Variants in MYOM3 observed in about 807,000 individuals in gnomAD.
MYOM3 encodes myomesin-3.
A neutral mutation model predicts 191.7 loss-of-function variants in MYOM3; 155 were observed. The observed-to-expected ratio is 0.81, with a 90% CI of 0.71 to 0.92. MYOM3 has a LOEUF of 0.92. Ranked by LOEUF, MYOM3 falls within the 40% of genes least tolerant of loss-of-function variation. MYOM3 has a pLI of 0.00. For missense variants in MYOM3, 1,889 were observed against 1,890.6 expected, an observed-to-expected ratio of 1.00 and a Z score of 0.02; for synonymous variants, 757 against 762.9, an observed-to-expected ratio of 0.99 and a Z score of 0.13.
Position 24,074,246 on chromosome 1 carries a change from G to T in MYOM3, c.2882C>A (p.Pro961His), listed in dbSNP as rs1481234250. ...GTAGGTGCCCAAATCCTCGAGGCCG[G>T]GTTCTTTCAGGATGACCTTGGACCT... is the stretch of plus-strand genomic sequence containing the variant. ...VNKSKVILKE[P>H]GLEDLGTYSV... The change falls in exon 23 of 37, where the codon CCC becomes CAC. Residue 961 changes from proline to histidine, a missense_variant. Transcript: ENST00000374434. 2 of 1,613,954 alleles carry T rather than the reference G, an allele frequency of 1.2e-6. No individual in the cohort carries two copies. Among genetic ancestry groups the T allele is most frequent in the Non-Finnish European group, 1.7e-6 (2 of 1,179,958 alleles).
At chr1:24,066,960 T>C (rs536404236) in intron 28 of MYOM3, 61 bp downstream of exon 28, 2 of 1,477,094 alleles carry the variant, frequency 1.4e-6, no homozygotes, top group South Asian at 2.5e-5. Flanking sequence ...GCAACTGGGC[T>C]TGGGGACAAG....
At chr1:24,080,425 C>T (rs1257543627) in intron 19 of MYOM3, among the ~76,000 whole-genome samples, 1 of 152,166 alleles carries the variant, frequency 6.6e-6, no homozygotes, top group Non-Finnish European at 1.5e-5. Flanking sequence ...GCTCAGCCTC[C>T]CCTCCTCCCG....
In MYOM3 at chr1:24,063,637, CAG is replaced by C; in HGVS notation, c.3623-109_3623-108del. ...GCTGGTGGAGCCCGTGAGCTGCTCT[CAG>C]GGGGACAGGCAACTCTGTAGGATGA... On this transcript the variant is annotated intron_variant, in intron 30 of 36. Coordinates refer to ENST00000374434, the MANE Select transcript of MYOM3 (RefSeq NM_152372.4). This position sits in a 1 kb window ranked among gnomAD's most constrained non-coding sequence, Gnocchi z 4.5. 7.9e-7 allele frequency: 1 copy of C among 1,271,036 alleles called. No homozygotes were observed. The highest frequency in any genetic ancestry group is 1.3e-5 in the South Asian group (1 of 79,668). 78.7% of individuals were successfully genotyped at this position (1,271,036 alleles called of 1,614,324 possible). A position where few individuals can be genotyped will look rare whatever the true frequency, so the allele number is the denominator to read the frequency against.
chr1:24,075,336 G>A lies in MYOM3; in HGVS notation c.2841C>T (p.Ile947=), dbSNP rs757040650. Residue 947 remains isoleucine (I), a synonymous_variant, in exon 22 of 37, where the codon ATC becomes ATT. Coordinates refer to ENST00000374434, the MANE Select transcript of MYOM3 (RefSeq NM_152372.4). ...KGPLDPQRVK[I]EDKVNKSKVI... is the part of the protein sequence containing the mutation. ...TCACTTACTTGTTAACTTTATCCTC[G>A]ATCTTGACCCTCTGGGGGTCCAGTG... 1.2e-6 allele frequency: 2 copies of A among 1,612,378 alleles called. No homozygotes were observed. The highest frequency in any genetic ancestry group is 1.1e-5 in the South Asian group (1 of 90,970).
At chr1:24,085,313 G>GATGC (rs1643725932) in intron 15 of MYOM3, among the ~76,000 whole-genome samples, 1 of 152,104 alleles carries the variant, frequency 6.6e-6, no homozygotes, top group South Asian at 2.1e-4. Flanking sequence ...TGGATGGATG[G>GATGC]ATGGATGGAC....
At chr1:24,106,736 T>A (rs532542631) in intron 4 of MYOM3, among the ~76,000 whole-genome samples, 1 of 151,956 alleles carries the variant, frequency 6.6e-6, no homozygotes, top group Admixed American at 6.6e-5. Context: ...GCCCAGGTAA[T>A]TTTTGTATTT....
rs370252092 is a variant in MYOM3, at chr1:24,076,225, T to C, written c.2635A>G (p.Met879Val). The change falls in exon 21 of 37, where the codon ATG becomes GTG. Residue 879 changes from methionine (M) to valine (V), a missense_variant. By Grantham distance (21) the Met-to-Val change is conservative. Transcript: ENST00000374434. Reference sequence around the variant, plus strand: ...GGTTGCCCCAGACCAGCTGAATTCATGGCCTGTACCTGGAACACGTAACTC... The same window carrying C: ...GGTTGCCCCAGACCAGCTGAATTCACGGCCTGTACCTGGAACACGTAACTC... ...GKSYVFQVQA[M>V]NSAGLGQPSM... The C allele has an allele frequency of 1.2e-6, 2 of 1,614,184 alleles. No homozygotes were observed. The highest frequency in any genetic ancestry group is 1.7e-6 in the Non-Finnish European group (2 of 1,179,998).
intron 14 of MYOM3, 61 bp from the exon 15 acceptor site, chr1:24,086,888 C>A: frequency 6.5e-7 from 1 of 1,531,306 alleles, no homozygotes; most frequent in South Asian, 1.2e-5. Flanking sequence ...CTGTGCTGGT[C>A]ACCTCCCATG....
rs1401288722 is a variant in MYOM3, at chr1:24,082,061, G to A, written c.2220C>T (p.Asp740=). 45 of 1,612,622 alleles carry A rather than the reference G, an allele frequency of 2.8e-5. No homozygotes were observed. Among genetic ancestry groups the A allele is most frequent in the Non-Finnish European group, 3.7e-5 (44 of 1,179,962 alleles). Residue 740 remains aspartate (D), a synonymous_variant, in exon 18 of 37, where the codon GAC becomes GAT. Transcript: ENST00000374434. ...KILGYFLDQH[D]SEELDWHAVN... ...CCGCATGCCAGTCCAGCTCTTCCGAGTCATGCTGGTCCAGGAAGTAGCCCA... is the reference window on the plus strand; with the variant it reads ...CCGCATGCCAGTCCAGCTCTTCCGAATCATGCTGGTCCAGGAAGTAGCCCA...
intron 28 of MYOM3, chr1:24,066,634 G>A (rs113172751): frequency 5.0e-4 from 175 of 352,360 alleles, no homozygotes; most frequent in African/African-American, 3.3e-3. Flanking sequence ...GGATAGTAAT[G>A]CCTGTGTCAC....
In MYOM3 at chr1:24,107,044, C is replaced by T. The variant is rs369919512; in HGVS notation, c.402+29G>A. ...CAAGTGGTGCGTCGCAGGTCCCAGG[C>T]CCTGGGGCTCCACGGCCCACCCCCT... On this transcript the variant is annotated intron_variant, in intron 4 of 36. Transcript: ENST00000374434. The T allele has an allele frequency of 3.9e-5, 62 of 1,583,198 alleles. No individual in the cohort carries two copies. In the East Asian group the frequency reaches 5.4e-4, roughly 14 times the overall value.
chr1:24,061,030 C>G, intron 35 of MYOM3, 30 bp downstream of exon 35: 1 of 1,613,790 alleles, frequency 6.2e-7, no homozygotes, highest in Non-Finnish European at 8.5e-7. Context: ...AATTCAGAAA[C>G]AAAAACAACA....
In MYOM3 at chr1:24,062,125, G is replaced by A; in HGVS notation, c.3771-16C>T. The A allele has an allele frequency of 1.9e-6, 3 of 1,613,426 alleles. No homozygotes were observed. The highest frequency in any genetic ancestry group is 2.5e-6 in the Non-Finnish European group (3 of 1,179,698). On this transcript the variant is annotated splice_polypyrimidine_tract_variant and intron_variant, in intron 32 of 36. Coordinates refer to ENST00000374434, the MANE Select transcript of MYOM3 (RefSeq NM_152372.4). Reference sequence around the variant, plus strand: ...ACGTTTGTCTCTGAATGTGAGGGTGGAGAAATGGTTAAGGCTGCCTGTCTG... The same window carrying A: ...ACGTTTGTCTCTGAATGTGAGGGTGAAGAAATGGTTAAGGCTGCCTGTCTG...
At position 24,111,300 on chromosome 1, in the gene MYOM3, G is replaced by A. The variant is rs1165235833; in HGVS notation, c.-19+731C>T. ...CTTTCCTCCCAAGCCTCCATCTGCC[G>A]AGGAGGCCTCTCCCCTTCTTCAGGA... On this transcript the variant is annotated intron_variant, in intron 1 of 36. Coordinates refer to ENST00000374434, the MANE Select transcript of MYOM3 (RefSeq NM_152372.4). The surrounding 1 kb of genome is among the most constrained non-coding windows in gnomAD (Gnocchi z 4.7). Among the ~76,000 whole-genome samples the A allele has an allele frequency of 5.9e-5, 9 of 152,188 alleles. No homozygotes were observed. Among genetic ancestry groups the A allele is most frequent in the Admixed American group, 5.2e-4 (8 of 15,276 alleles).
rs1341706142 is a variant in MYOM3 at position 24,099,878 on chromosome 1, G to GT, written c.561-104dup. The GT allele has an allele frequency of 1.3e-4, 112 of 859,658 alleles. 2 individuals are homozygous for GT. The highest frequency in any genetic ancestry group is 1.1e-3 in the South Asian group (75 of 66,774). 53.3% of individuals were successfully genotyped at this position (859,658 alleles called of 1,614,324 possible). Reference sequence around the variant, plus strand: ...CAGCTGCAGGTTTTTGTTTTGTTTTGTTTTTTTGAGACGGAGTTTTGCTTT... The same window carrying GT: ...CAGCTGCAGGTTTTTGTTTTGTTTTGTTTTTTTTGAGACGGAGTTTTGCTTT... On this transcript the variant is annotated intron_variant, in intron 5 of 36. Coordinates refer to ENST00000374434, the MANE Select transcript of MYOM3 (RefSeq NM_152372.4).
intron 28 of MYOM3, chr1:24,066,705 C>G: frequency 7.4e-6 from 3 of 406,868 alleles, no homozygotes; most frequent in Middle Eastern, 1.3e-3. Flanking sequence ...TAATCATAAA[C>G]ACAGGGATAC....
In MYOM3 at chr1:24,067,054, G is replaced by A; in HGVS notation, c.3390C>T (p.Val1130=). The A allele has an allele frequency of 1.3e-6, 2 of 1,579,292 alleles. No individual in the cohort carries two copies. Among genetic ancestry groups the A allele is most frequent in the Non-Finnish European group, 1.7e-6 (2 of 1,160,498 alleles). The stretch of plus-strand genomic sequence containing the variant: ...TCAGCTGCACTTGGCAGTCCTCCGT[G>A]ACCTTCCACTGCAACGGCCGCTCAA... The part of the protein sequence containing the change: ...PYFERPLQWK[V]TEDCQVQLTC... The change falls in exon 28 of 37, where the codon GTC becomes GTT. Residue 1130 remains valine, a synonymous_variant. Transcript: ENST00000374434.
Position 24,089,989 on chromosome 1 carries a change from T to C in MYOM3, c.1486+76A>G, listed in dbSNP as rs571702559. On this transcript the variant is annotated intron_variant, in intron 13 of 36. Transcript: ENST00000374434. ...CCACACCCTGCACTGGGACAGCTTC[T>C]GCCTCTTTGCCAGCTCATGTCCCAG... The C allele has an allele frequency of 1.4e-5, 21 of 1,458,176 alleles. No homozygotes were observed. In the South Asian group the frequency reaches 2.1e-4, roughly 14 times the overall value. The allele number at this position is 1,458,176 out of a possible 1,614,324, so 90.3% of individuals were successfully genotyped here. A position where few individuals can be genotyped will look rare whatever the true frequency, so the allele number is the denominator to read the frequency against.
At chr1:24,077,131 G>C (rs554326457) in intron 20 of MYOM3, among the ~76,000 whole-genome samples, 1 of 152,250 alleles carries the variant, frequency 6.6e-6, no homozygotes, top group South Asian at 2.1e-4. Context: ...CCTCCCTAGT[G>C]TTTCTTAAAT....
Sources: allele counts gnomAD v4.1 joint callset (sites outside exome capture counted in the v4.1 genomes callset), GRCh38; gene constraint gnomAD v4.1.1; non-coding constraint Gnocchi (gnomAD v3.1); transcripts MANE v1.5; gene names NCBI Gene and HGNC (gene_info 2026-07-23, HGNC 2026-07-21).